The following ZWILCH variants were observed in gnomAD, a reference collection of about 807,000 sequenced individuals.
The protein encoded by ZWILCH is zwilch kinetochore protein.
In ZWILCH, 74 loss-of-function variants were observed where a neutral mutation model predicts 79.9. The observed-to-expected ratio is 0.93, with a 90% CI of 0.77 to 1.12. The LOEUF is 1.12. Among genes scored for constraint, ZWILCH ranks in the 50% most tolerant of loss-of-function variants. The pLI is 0.00. For synonymous variants in ZWILCH, 241 were observed against 228.2 expected, an observed-to-expected ratio of 1.06 and a Z score of -0.51; for missense variants, 694 against 687.5, an observed-to-expected ratio of 1.01 and a Z score of -0.11.
Position 66,529,518 on chromosome 15 carries a change from T to G in ZWILCH, c.1100T>G (p.Val367Gly). 6.2e-7 allele frequency: 1 copy of G among 1,614,004 alleles called. No homozygotes were observed. The highest frequency in any genetic ancestry group is 8.5e-7 in the Non-Finnish European group (1 of 1,179,924). The change falls in exon 12 of 19, where the codon GTG becomes GGG. Residue 367 changes from valine to glycine, a missense_variant. Transcript: ENST00000307897. ...GGTGTGATTTCATACCAAGACTTGG[T>G]GAAGTGTTTCACATTGATCATCCAG... ...SSSVISYQDLVKCFTLIIQSL... is the reference protein window; with the variant it reads ...SSSVISYQDLGKCFTLIIQSL...
chr15:66,518,943 C>T lies in ZWILCH; in HGVS notation c.385C>T (p.Pro129Ser). Residue 129 changes from proline to serine, a missense_variant, in exon 5 of 19, where the codon CCA becomes TCA. Transcript: ENST00000307897. ...PNMTHLKINL[P>S]VTALPPLWVR... ...TATGACCCATTTGAAGATTAATCTG[C>T]CAGTTACTGCCCTTCCTCCCCTTTG... is the stretch of plus-strand genomic sequence containing the variant. 6.2e-7 allele frequency: 1 copy of T among 1,614,188 alleles called. No individual in the cohort carries two copies. The highest frequency in any genetic ancestry group is 1.1e-5 in the South Asian group (1 of 91,090).
chr15:66,519,950 A>G (rs936854441), intron 5 of ZWILCH, among the ~76,000 whole-genome samples: 1 of 152,028 alleles, frequency 6.6e-6, no homozygotes, highest in Non-Finnish European at 1.5e-5. Context: ...GGAGAGCACA[A>G]CCATGGCCAG....
At chr15:66,536,431 A>G (rs1047165817) in intron 15 of ZWILCH, among the ~76,000 whole-genome samples, 1 of 152,250 alleles carries the variant, frequency 6.6e-6, no homozygotes, top group Non-Finnish European at 1.5e-5. Flanking sequence ...CTAAATGATA[A>G]CAATGGAATC....
At chr15:66,547,649 T>C (rs1895427016) in intron 18 of ZWILCH, 1 of 152,230 alleles carries the variant, frequency 6.6e-6, no homozygotes, top group Non-Finnish European at 1.5e-5. Flanking sequence ...GTAAGTTGAA[T>C]TTAGTCAGAG....
At chr15:66,534,656 G>C (rs1475120034) in intron 14 of ZWILCH, among the ~76,000 whole-genome samples, 1 of 151,908 alleles carries the variant, frequency 6.6e-6, no homozygotes. Context: ...ACATAGAAGG[G>C]GTACAGTAAA....
At position 66,528,908 on chromosome 15, in the gene ZWILCH, T is replaced by C. The variant is rs1034909460; in HGVS notation, c.1026T>C (p.Val342=). ...VDRSVKRLFK[V]RSDLDFAEQL... ...GTTCCGTCAAGCGTCTTTTCAAAGT[T>C]CGGAGTGATCTTGATTTTGCTGAGC... is the stretch of plus-strand genomic sequence containing the variant. The change falls in exon 11 of 19, where the codon GTT becomes GTC. Residue 342 remains valine, a synonymous_variant. Transcript: ENST00000307897. The C allele has an allele frequency of 5.0e-6, 8 of 1,614,034 alleles. No homozygotes were observed. The highest frequency in any genetic ancestry group is 6.8e-6 in the Non-Finnish European group (8 of 1,180,012).
At position 66,520,596 on chromosome 15, in the gene ZWILCH, A is replaced by C. The variant is rs749056249; in HGVS notation, c.527A>C (p.Lys176Thr). 6.8e-7 allele frequency: 1 copy of C among 1,481,372 alleles called. No homozygotes were observed. Among genetic ancestry groups the C allele is most frequent in the African/African-American group, 1.4e-5 (1 of 71,964 alleles). The allele number at this position is 1,481,372 out of a possible 1,614,324, so 91.8% of individuals were successfully genotyped here. A position where few individuals can be genotyped will look rare whatever the true frequency, so the allele number is the denominator to read the frequency against. Residue 176 changes from lysine to threonine, a missense_variant, in exon 6 of 19, where the codon AAA becomes ACA. Lys to Thr is a moderately conservative substitution (Grantham distance 78). Transcript: ENST00000307897. ...TTTCTTTCATTTCCTATAGCTGATA[A>C]AAATTATTCTGTAAATCTTGAAAAC... ...VLYVVSCKAD[K>T]NYSVNLENLK...
chr15:66,546,380 GTTTA>G (rs1895370564), intron 17 of ZWILCH, among the ~76,000 whole-genome samples: 1 of 152,260 alleles, frequency 6.6e-6, no homozygotes, highest in South Asian at 2.1e-4. Flanking sequence ...TTCATTTTTA[GTTTA>G]TTTAATCATG....
chr15:66,540,137 T>C lies in ZWILCH; in HGVS notation c.1614T>C (p.Gly538=), dbSNP rs1895148334. ...AATGGAGAGTGGAAATATATAGTGGTCAAAAGAAGATTAAGACAGTTTGGC... is the reference window on the plus strand; with the variant it reads ...AATGGAGAGTGGAAATATATAGTGGCCAAAAGAAGATTAAGACAGTTTGGC... ...PQKWRVEIYS[G]QKKIKTVWQL... Residue 538 remains glycine (G), a synonymous_variant, in exon 17 of 19, where the codon GGT becomes GGC. Coordinates refer to ENST00000307897, the MANE Select transcript of ZWILCH (RefSeq NM_017975.5). 6.2e-7 allele frequency: 1 copy of C among 1,613,264 alleles called. No individual in the cohort carries two copies. Among genetic ancestry groups the C allele is most frequent in the Non-Finnish European group, 8.5e-7 (1 of 1,179,724 alleles).
intron 17 of ZWILCH, 132 bp from the exon 18 acceptor site, chr15:66,546,459 T>A (rs1264808654): frequency 4.8e-6 from 2 of 412,484 alleles, no homozygotes; most frequent in African/African-American, 2.0e-5. Context: ...CCCAATGAAT[T>A]CTCTTAAAGT....
rs985619634 is a variant in ZWILCH, at chr15:66,527,971, G to A, written c.969+59G>A. On this transcript the variant is annotated intron_variant, in intron 10 of 18. Coordinates refer to ENST00000307897, the MANE Select transcript of ZWILCH (RefSeq NM_017975.5). ...GAAATAGCTTTTAAAATTCGGTTAT[G>A]CTGACATCTTTCATGTTGTACCATC... is the stretch of plus-strand genomic sequence containing the variant. The A allele has an allele frequency of 2.1e-6, 3 of 1,427,244 alleles. No individual in the cohort carries two copies. The East Asian group carries it at 7.4e-5, about 35-fold the overall frequency. The allele number at this position is 1,427,244 out of a possible 1,614,324, so 88.4% of individuals were successfully genotyped here.
chr15:66,508,789 T>C (rs1736711330), intron 1 of ZWILCH, 52 bp from the exon 2 acceptor site: 1 of 1,609,850 alleles, frequency 6.2e-7, no homozygotes, highest in Admixed American at 1.7e-5. Flanking sequence ...TGAGTGTGAA[T>C]AACGGGAGAG....
chr15:66,541,102 A>G (rs989706424), intron 17 of ZWILCH, among the ~76,000 whole-genome samples: 2 of 150,514 alleles, frequency 1.3e-5, no homozygotes, highest in African/African-American at 4.9e-5. Context: ...AACATGGAGA[A>G]ACCCCATCTC....
At position 66,518,879 on chromosome 15, in the gene ZWILCH, G is replaced by A. The variant is rs1179291361; in HGVS notation, c.321G>A (p.Arg107=). 1 of 1,613,532 alleles carries A rather than the reference G, an allele frequency of 6.2e-7. No individual in the cohort carries two copies. The highest frequency in any genetic ancestry group is 8.5e-7 in the Non-Finnish European group (1 of 1,179,590). Residue 107 remains arginine (R), a splice_region_variant and synonymous_variant, in exon 5 of 19, where the codon AGG becomes AGA. Transcript: ENST00000307897. ...ATTTGTCCTTACTCTTGTTTTAAAG[G>A]CAGTTAATTGGACTTTACACCATGG... ...GPLALPVGKA[R]QLIGLYTMAH... is the part of the protein sequence containing the mutation.
At chr15:66,526,726 T>C (rs1894688470) in intron 8 of ZWILCH, among the ~76,000 whole-genome samples, 1 of 152,094 alleles carries the variant, frequency 6.6e-6, no homozygotes, top group Admixed American at 6.6e-5. Flanking sequence ...CCTCCCAAAG[T>C]GCTGGGATTA....
intron 12 of ZWILCH, among the ~76,000 whole-genome samples, chr15:66,531,170 G>A (rs752500961): frequency 1.3e-5 from 2 of 152,168 alleles, no homozygotes; most frequent in Non-Finnish European, 2.9e-5. Context: ...AAATTATCAA[G>A]TTCGTATGTT....
chr15:66,543,324 A>G (rs1895253394), intron 17 of ZWILCH, among the ~76,000 whole-genome samples: 1 of 152,256 alleles, frequency 6.6e-6, no homozygotes, highest in African/African-American at 2.4e-5. Flanking sequence ...TGGTAGCAAA[A>G]ACATGGAGAC....
In ZWILCH at chr15:66,549,490, A is replaced by G. The variant is rs1342286533; in HGVS notation, c.*1166A>G. The G allele has an allele frequency of 1.3e-5, 2 of 152,216 alleles. No homozygotes were observed. Among genetic ancestry groups the G allele is most frequent in the African/African-American group, 4.8e-5 (2 of 41,446 alleles). The allele number at this position is 152,216 out of a possible 1,614,324, so 9.4% of individuals were successfully genotyped here. ...GATAAAATTCAAAGAAACAAATAAT[A>G]TGTGTTGGCATTTCTTGATGCATAG... On this transcript the variant is annotated 3_prime_UTR_variant, in exon 19 of 19. Coordinates refer to ENST00000307897, the MANE Select transcript of ZWILCH (RefSeq NM_017975.5).
chr15:66,505,419 G>C, intron 1 of ZWILCH, 28 bp downstream of exon 1: 2 of 1,613,344 alleles, frequency 1.2e-6, no homozygotes. Flanking sequence ...TTTTGGCTGG[G>C]GTCCTGGGAC....
Sources: gnomAD v4.1 joint callset for allele counts (sites outside exome capture counted in the v4.1 genomes callset) on GRCh38, gnomAD v4.1.1 for gene constraint, MANE v1.5 for transcripts, NCBI Gene and HGNC (gene_info 2026-07-23, HGNC 2026-07-21) for gene names.